Variants in ACTR3C observed in about 807,000 individuals in gnomAD.
The protein encoded by ACTR3C is actin related protein 3C, also known as actin-related protein 3C.
ACTR3C carries 18 observed loss-of-function variants against 26.3 expected under a neutral mutation model. The observed-to-expected ratio is 0.68, with a 90% CI of 0.47 to 1.01. The LOEUF (loss-of-function observed/expected upper bound fraction) is 1.01, where lower values mean the gene tolerates loss of function less well. Among genes scored for constraint, ACTR3C ranks in the 50% least tolerant of loss-of-function variants. The probability of loss-of-function intolerance (pLI) is 0.00; values close to 1 mark genes in which losing one functional copy is unlikely to be tolerated. For synonymous variants in ACTR3C, 55 were observed against 94.5 expected (o/e 0.58, Z 2.42); for missense variants, 184 against 250.7 (o/e 0.73, Z 1.80).
chr7:150,023,985 T>A, the ACTR3C span, among the ~76,000 whole-genome samples: 2 of 146,246 alleles, frequency 1.4e-5, no homozygotes, highest in African/African-American at 5.0e-5. Flanking sequence ...GAGCACAGAT[T>A]TAGAGGAGAA....
the ACTR3C span, among the ~76,000 whole-genome samples, chr7:150,142,622 G>A: frequency 6.6e-6 from 1 of 151,884 alleles, no homozygotes; most frequent in African/African-American, 2.4e-5. Context: ...TCCGCCTCCC[G>A]GGTTCAAGCG....
chr7:150,035,297 C>T, the ACTR3C span, among the ~76,000 whole-genome samples: 4 of 62,548 alleles, frequency 6.4e-5, 1 homozygote, highest in South Asian at 1.6e-3. Context: ...AGTGCCTCCC[C>T]CCCCTTGCGA....
At chr7:150,291,291 T>C (rs1377665736) in intron 3 of ACTR3C, among the ~76,000 whole-genome samples, 1 of 152,112 alleles carries the variant, frequency 6.6e-6, no homozygotes, top group Non-Finnish European at 1.5e-5. Context: ...TAGTCAGGCA[T>C]GGTGGCGCAT....
At chr7:150,239,607 A>G (rs1394383527), downstream of ACTR3C, among the ~76,000 whole-genome samples, 1 of 144,318 alleles carries the variant, frequency 6.9e-6, no homozygotes, top group Non-Finnish European at 1.5e-5. Flanking sequence ...AAAATAAATG[A>G]GTTATTACAG....
chr7:150,237,622 A>G, the ACTR3C span, among the ~76,000 whole-genome samples: 1 of 152,288 alleles, frequency 6.6e-6, no homozygotes, highest in South Asian at 2.1e-4. Context: ...GAGAGGAACA[A>G]TGAAGGCCTC....
At chr7:150,246,095 T>C (rs1478614681), downstream of ACTR3C, 1 of 152,184 alleles carries the variant, frequency 6.6e-6, no homozygotes, top group African/African-American at 2.4e-5. Flanking sequence ...ATTGGTTCAA[T>C]AGCCAGTAAT....
chr7:149,928,190 T>C, the ACTR3C span, among the ~76,000 whole-genome samples: 1 of 141,650 alleles, frequency 7.1e-6, no homozygotes, highest in African/African-American at 2.7e-5. Flanking sequence ...CCTTGCTTTC[T>C]TTTTTTCTTT....
the ACTR3C span, among the ~76,000 whole-genome samples, chr7:149,949,762 G>A: frequency 2.0e-5 from 3 of 147,130 alleles, no homozygotes; most frequent in East Asian, 5.8e-4. Flanking sequence ...AGAGTACAAT[G>A]TTCTGGCCTT....
the ACTR3C span, among the ~76,000 whole-genome samples, chr7:150,023,924 G>A: frequency 8.3e-6 from 1 of 119,916 alleles, no homozygotes; most frequent in East Asian, 2.4e-4. Flanking sequence ...CCATGGAGAG[G>A]AGCAAAGGAG....
At chr7:150,149,505 C>G in the ACTR3C span, among the ~76,000 whole-genome samples, 7 of 123,004 alleles carry the variant, frequency 5.7e-5, no homozygotes, top group Admixed American at 6.0e-4. Flanking sequence ...TCCCCCCACC[C>G]CACAACAGGC....
At chr7:150,094,351 C>G in the ACTR3C span, among the ~76,000 whole-genome samples, 1 of 149,504 alleles carries the variant, frequency 6.7e-6, no homozygotes, top group Non-Finnish European at 1.5e-5. Context: ...GCAGATAGGA[C>G]TGATTCTGGC....
chr7:150,162,920 G>C, the ACTR3C span, among the ~76,000 whole-genome samples: 1 of 152,176 alleles, frequency 6.6e-6, no homozygotes, highest in African/African-American at 2.4e-5. Flanking sequence ...GAGAGGCCAA[G>C]GCAGGTGGAT....
chr7:149,894,885 G>A, the ACTR3C span, among the ~76,000 whole-genome samples: 1 of 151,560 alleles, frequency 6.6e-6, no homozygotes, highest in Non-Finnish European at 1.5e-5. Context: ...CCCACTACTG[G>A]GCATATATCC....
chr7:150,063,939 T>A, the ACTR3C span, among the ~76,000 whole-genome samples: 1 of 151,918 alleles, frequency 6.6e-6, no homozygotes. Flanking sequence ...GTATGGCAAG[T>A]GACTACCAAA....
the ACTR3C span, among the ~76,000 whole-genome samples, chr7:150,049,033 G>C: frequency 6.6e-6 from 1 of 152,058 alleles, no homozygotes; most frequent in African/African-American, 2.4e-5. Flanking sequence ...CTTTTCCAAA[G>C]CCTGCGCCTC....
chr7:150,019,632 T>TAATAATAAA, the ACTR3C span, among the ~76,000 whole-genome samples: 1 of 145,804 alleles, frequency 6.9e-6, no homozygotes, highest in African/African-American at 2.5e-5. Flanking sequence ...ATAATAATAA[T>TAATAATAAA]AAAATCTATA....
chr7:149,936,003 G>A, the ACTR3C span, among the ~76,000 whole-genome samples: 1 of 146,466 alleles, frequency 6.8e-6, no homozygotes, highest in Admixed American at 6.7e-5. Context: ...GAAACTTCTT[G>A]CTGTCAGCGG....
intron 6 of ACTR3C, among the ~76,000 whole-genome samples, chr7:150,257,343 G>A (rs1169672989): frequency 6.6e-6 from 1 of 152,110 alleles, no homozygotes; most frequent in East Asian, 1.9e-4. Flanking sequence ...CTAATTTTTA[G>A]AACTGCAGAG....
the ACTR3C span, among the ~76,000 whole-genome samples, chr7:150,072,111 G>A: frequency 7.0e-6 from 1 of 142,268 alleles, no homozygotes; most frequent in Non-Finnish European, 1.6e-5. Context: ...CACCGAGGAG[G>A]ATGCAGGGGG....
Sources: gnomAD v4.1 joint callset for allele counts (sites outside exome capture counted in the v4.1 genomes callset) on GRCh38, gnomAD v4.1.1 for gene constraint, MANE v1.5 for transcripts, NCBI Gene and HGNC (gene_info 2026-07-23, HGNC 2026-07-21) for gene names.